Variants in SYNE1 observed in about 807,000 individuals in gnomAD.
The protein encoded by SYNE1 is nesprin-1.
In SYNE1, 616 loss-of-function variants were observed where a neutral mutation model predicts 1,111.0. That is an observed-to-expected ratio of 0.55 (90% CI 0.52 to 0.59). The LOEUF is 0.59. SYNE1 is among the 20% of genes least tolerant of loss of function. The pLI is 0.00. For missense variants in SYNE1, 10,006 were observed against 10,417.0 expected (o/e 0.96, Z 1.72); for synonymous variants, 3,855 against 3,825.8 (o/e 1.01, Z -0.28).
intron 105 of SYNE1, among the ~76,000 whole-genome samples, chr6:152,248,576 A>G (rs962583726): frequency 1.3e-5 from 2 of 152,142 alleles, no homozygotes; most frequent in Non-Finnish European, 2.9e-5. Flanking sequence ...TTAAATTTAC[A>G]TATCCAATCT....
intron 40 of SYNE1, among the ~76,000 whole-genome samples, chr6:152,417,521 C>CAAA (rs1554664101): frequency 6.6e-6 from 1 of 151,644 alleles, no homozygotes; most frequent in Non-Finnish European, 1.5e-5. Flanking sequence ...AACAAACAAA[C>CAAA]AAACACAACT....
At position 152,463,479 on chromosome 6, in the gene SYNE1, A is replaced by T; in HGVS notation, c.1971T>A (p.His657Gln). The change falls in exon 19 of 146, where the codon CAT becomes CAA. Residue 657 changes from histidine (H) to glutamine (Q), a missense_variant. By Grantham distance (24) the His-to-Gln change is conservative. Transcript: ENST00000367255. ...AATTGCCAGCATCGTTCATGGCAGT[A>T]TGCTGCTGAATCCAATGAGGTAAAT... is the stretch of plus-strand genomic sequence containing the variant. ...FRNLPHWIQQ[H>Q]TAMNDAGNFL... The T allele has an allele frequency of 6.2e-7, 1 of 1,613,684 alleles. No individual in the cohort carries two copies. Among genetic ancestry groups the T allele is most frequent in the Non-Finnish European group, 8.5e-7 (1 of 1,179,700 alleles).
rs1442994401 is a variant in SYNE1, at chr6:152,164,331, G to A, written c.23628-6C>T. ...TCTCCTTCAGCTTCTTCACCCTGTGGGCAGAGAAGGGGGAATGTCCCACTT... is the reference window on the plus strand; with the variant it reads ...TCTCCTTCAGCTTCTTCACCCTGTGAGCAGAGAAGGGGGAATGTCCCACTT... On this transcript the variant is annotated splice_polypyrimidine_tract_variant and splice_region_variant and intron_variant, in intron 130 of 145. Transcript: ENST00000367255. 5 of 1,613,864 alleles carry A rather than the reference G, an allele frequency of 3.1e-6. No homozygotes were observed. The highest frequency in any genetic ancestry group is 3.4e-6 in the Non-Finnish European group (4 of 1,180,028).
chr6:152,617,770 C>T (rs1182974740), intron 3 of SYNE1, among the ~76,000 whole-genome samples: 1 of 152,180 alleles, frequency 6.6e-6, no homozygotes, highest in Non-Finnish European at 1.5e-5. Context: ...AATCCTCTCA[C>T]TCTGGCTGGT....
At chr6:152,282,080 A>G in intron 96 of SYNE1, 100 bp from the exon 97 acceptor site, 1 of 1,253,186 alleles carries the variant, frequency 8.0e-7, no homozygotes, top group African/African-American at 1.5e-5. Flanking sequence ...TGTACATAAG[A>G]ATCACTGGTA....
At chr6:152,516,950 G>C (rs1299273723) in intron 6 of SYNE1, among the ~76,000 whole-genome samples, 1 of 152,180 alleles carries the variant, frequency 6.6e-6, no homozygotes, top group Non-Finnish European at 1.5e-5. Context: ...AATTAATGAA[G>C]GGTGAGCAGA....
intron 43 of SYNE1, 83 bp from the exon 44 acceptor site, chr6:152,409,309 T>C (rs1265578878): frequency 8.6e-6 from 12 of 1,401,924 alleles, no homozygotes; most frequent in Non-Finnish European, 1.1e-5. Context: ...AGAAATTTAA[T>C]TCATAATTGA....
At chr6:152,548,996 G>A (rs2099327901) in intron 3 of SYNE1, among the ~76,000 whole-genome samples, 1 of 152,224 alleles carries the variant, frequency 6.6e-6, no homozygotes, top group Middle Eastern at 3.2e-3. Context: ...ATTAGAAGAT[G>A]TTTCCATCTG....
chr6:152,419,800 C>A (rs1226481345), intron 39 of SYNE1, 78 bp from the exon 40 acceptor site: 1 of 1,522,720 alleles, frequency 6.6e-7, no homozygotes, highest in Non-Finnish European at 9.0e-7. Context: ...GGGAATTAAG[C>A]TTACCCAAGG....
At chr6:152,484,746 T>C (rs2098930540) in intron 13 of SYNE1, 89 bp downstream of exon 13, 1 of 1,400,694 alleles carries the variant, frequency 7.1e-7, no homozygotes, top group Admixed American at 1.7e-5. Flanking sequence ...GTAGAACCTG[T>C]TGCCATACCA....
At chr6:152,146,024 C>CAAAAAAAAAAAAAAAAAA (rs57218606) in intron 137 of SYNE1, 1 of 49,664 alleles carries the variant, frequency 2.0e-5, no homozygotes, top group Non-Finnish European at 3.5e-5. Flanking sequence ...GACTTCGTCT[C>CAAAAAAAAAAAAAAAAAA]AAAAAAAAAA....
intron 115 of SYNE1, among the ~76,000 whole-genome samples, chr6:152,230,202 T>G (rs2082462301): frequency 6.6e-6 from 1 of 152,072 alleles, no homozygotes; most frequent in Non-Finnish European, 1.5e-5. Context: ...GTCTGGCTGA[T>G]TTTTGTAGCT....
intron 121 of SYNE1, among the ~76,000 whole-genome samples, chr6:152,216,435 A>T (rs980641957): frequency 6.6e-6 from 1 of 152,202 alleles, no homozygotes. Context: ...CAGACAGTGG[A>T]GACTTTCCTA....
chr6:152,517,767 G>A (rs1014504253), intron 6 of SYNE1, among the ~76,000 whole-genome samples: 4 of 152,034 alleles, frequency 2.6e-5, no homozygotes, highest in African/African-American at 7.2e-5. Flanking sequence ...AGAAAGACGG[G>A]GATATATGAA....
At chr6:152,391,217 T>C in intron 52 of SYNE1, 60 bp downstream of exon 52, 1 of 1,608,460 alleles carries the variant, frequency 6.2e-7, no homozygotes, top group South Asian at 1.1e-5. Flanking sequence ...CACAAGCACT[T>C]GTGAATCTAA....
intron 130 of SYNE1, among the ~76,000 whole-genome samples, chr6:152,175,352 A>G (rs780090344): frequency 7.2e-5 from 11 of 152,244 alleles, no homozygotes; most frequent in Non-Finnish European, 1.0e-4. Flanking sequence ...ATCAGCATAC[A>G]GGGTTGTGGT....
At chr6:152,167,926 G>A (rs2064050128) in intron 130 of SYNE1, 1 of 769,150 alleles carries the variant, frequency 1.3e-6, no homozygotes, top group Non-Finnish European at 2.4e-6. Context: ...ATGCCCAGTA[G>A]AGGTACTAGA....
intron 105 of SYNE1, among the ~76,000 whole-genome samples, chr6:152,248,501 G>A (rs2088101844): frequency 6.6e-6 from 1 of 150,848 alleles, no homozygotes. Context: ...CAAATAAAGT[G>A]TACAGGTAAC....
intron 87 of SYNE1, among the ~76,000 whole-genome samples, chr6:152,313,420 T>TAGAAAAAACACA (rs2095611792): frequency 6.6e-6 from 1 of 152,028 alleles, no homozygotes; most frequent in African/African-American, 2.4e-5. Context: ...TCACTCTGGT[T>TAGAAAAAACACA]CTCACATCTC....
Sources: gnomAD v4.1 joint callset for allele counts (sites outside exome capture counted in the v4.1 genomes callset) on GRCh38, gnomAD v4.1.1 for gene constraint, MANE v1.5 for transcripts, NCBI Gene and HGNC (gene_info 2026-07-23, HGNC 2026-07-21) for gene names.